The following VAC14 variants were observed in gnomAD, a reference collection of about 807,000 sequenced individuals.
VAC14 encodes the protein protein VAC14 homolog.
VAC14 carries 47 observed loss-of-function variants against 85.3 expected under a neutral mutation model. That is an observed-to-expected ratio of 0.55 (90% CI 0.44 to 0.70). VAC14 has a LOEUF of 0.70. Among genes scored for constraint, VAC14 ranks in the 30% least tolerant of loss-of-function variants. The pLI, the probability that VAC14 is intolerant of heterozygous loss-of-function variation, is 0.00. For missense variants in VAC14, 861 were observed against 1,004.3 expected, an observed-to-expected ratio of 0.86 and a Z score of 1.93; for synonymous variants, 447 against 430.5, an observed-to-expected ratio of 1.04 and a Z score of -0.47.
In VAC14 at chr16:70,731,627, C is replaced by T; in HGVS notation, c.1529G>A (p.Gly510Asp). 5 of 1,613,654 alleles carry T rather than the reference C, an allele frequency of 3.1e-6. No homozygotes were observed. The highest frequency in any genetic ancestry group is 4.2e-6 in the Non-Finnish European group (5 of 1,179,864). The change falls in exon 14 of 19, where the codon GGT (glycine) becomes GAT (aspartate). Residue 510 changes from glycine (G) to aspartate (D), a missense_variant and splice_region_variant. Around this residue, in one of 3 missense-constraint regions of VAC14, gnomAD observed 629 missense variants for 703.1 expected, o/e 0.89. Coordinates refer to ENST00000261776, the MANE Select transcript of VAC14 (RefSeq NM_018052.5). ...PGRAGLLNTSGTKGLECSPST... is the reference protein window; with the variant it reads ...PGRAGLLNTSDTKGLECSPST... ...AGGAGAACATTCTAAGCCTTTGGTA[C>T]CTGTAGAGAAAGGGATAGAGCCAGC...
chr16:70,761,022 T>TGTGTGGGGG, intron 12 of VAC14: 1 of 190,068 alleles, frequency 5.3e-6, no homozygotes, highest in Non-Finnish European at 1.1e-5. Context: ...TGTGTGTGCA[T>TGTGTGGGGG]GGGGGGGCGG....
At chr16:70,779,432 A>G (rs1460139990) in intron 9 of VAC14, among the ~76,000 whole-genome samples, 3 of 152,072 alleles carry the variant, frequency 2.0e-5, no homozygotes, top group Non-Finnish European at 4.4e-5. Flanking sequence ...ATTAGCTGAA[A>G]CTGTCATTCA....
intron 14 of VAC14, among the ~76,000 whole-genome samples, chr16:70,723,090 T>C (rs556023676): frequency 5.9e-5 from 9 of 151,914 alleles, no homozygotes; most frequent in Non-Finnish European, 1.3e-4. Flanking sequence ...ACACAGGTGG[T>C]ACACGCCTGT....
chr16:70,689,929 C>T (rs1392891060), intron 18 of VAC14: 14 of 985,416 alleles, frequency 1.4e-5, no homozygotes, highest in Admixed American at 6.1e-5. Context: ...TGTGGCCAGA[C>T]GCTCCTCTAA....
At chr16:70,706,831 C>T (rs1183333637) in intron 14 of VAC14, among the ~76,000 whole-genome samples, 1 of 152,142 alleles carries the variant, frequency 6.6e-6, no homozygotes, top group Non-Finnish European at 1.5e-5. Context: ...TGGATGGTGC[C>T]CACATCCATC....
intron 18 of VAC14, chr16:70,690,919 G>C (rs2053584564): frequency 1.0e-6 from 1 of 985,288 alleles, no homozygotes; most frequent in African/African-American, 1.7e-5. Context: ...CACCCATTTA[G>C]TCCAAATGTG....
chr16:70,741,007 G>A (rs1477820023), intron 13 of VAC14, among the ~76,000 whole-genome samples: 2 of 152,268 alleles, frequency 1.3e-5, no homozygotes, highest in Admixed American at 6.5e-5. Flanking sequence ...GCACCATGTG[G>A]TTCCCTACAG....
chr16:70,751,592 TG>T (rs1025394963), intron 12 of VAC14, among the ~76,000 whole-genome samples: 2 of 152,240 alleles, frequency 1.3e-5, no homozygotes, highest in Admixed American at 6.5e-5. Context: ...GGGTGCAGCC[TG>T]GCTGGCCAAG....
rs1334141355 is a variant in VAC14 at position 70,795,050 on chromosome 16, G to A, written c.104+5747C>T. On this transcript the variant is annotated intron_variant, in intron 1 of 18. Coordinates refer to ENST00000261776, the MANE Select transcript of VAC14 (RefSeq NM_018052.5). ...CAGTCACATGCTGTGCAGGTTTGTA[G>A]ACTAGGGACAATAGGCTCTACCATA... 3.9e-5 allele frequency among the ~76,000 whole-genome samples: 6 copies of A among 152,220 alleles called. No homozygotes were observed. In the East Asian group the frequency reaches 1.2e-3, roughly 29 times the overall value.
chr16:70,698,801 G>A lies in VAC14; in HGVS notation c.1672C>T (p.Leu558Phe). 1.2e-6 allele frequency: 2 copies of A among 1,613,940 alleles called. No homozygotes were observed. Among genetic ancestry groups the A allele is most frequent in the Non-Finnish European group, 1.7e-6 (2 of 1,179,994 alleles). Residue 558 changes from leucine (L) to phenylalanine (F), a missense_variant, in exon 15 of 19, where the codon CTC (leucine) becomes TTC (phenylalanine). Leu to Phe is a conservative substitution (Grantham distance 22). This residue lies in a region of VAC14 where 69 missense variants were observed against 139.0 expected (regional missense o/e 0.50). Coordinates refer to ENST00000261776, the MANE Select transcript of VAC14 (RefSeq NM_018052.5). ...RGPFIIRQLC[L>F]LLNAENIFHS... Reference sequence around the variant, plus strand: ...AAGATGTTCTCCGCATTCAGCAGGAGGCACAGCTGCCTGGAGAGCAGGCAG... The same window carrying A: ...AAGATGTTCTCCGCATTCAGCAGGAAGCACAGCTGCCTGGAGAGCAGGCAG...
Position 70,698,633 on chromosome 16 carries a change from C to A in VAC14, c.1836+4G>T, listed in dbSNP as rs766406722. 1.9e-6 allele frequency: 3 copies of A among 1,614,084 alleles called. No homozygotes were observed. The highest frequency in any genetic ancestry group is 1.7e-6 in the Non-Finnish European group (2 of 1,179,942). ...CTGAGGATGGAGTCCCGGACGCAGC[C>A]TACCAGGGTCTTCAGGTCCTTCAGC... On this transcript the variant is annotated splice_donor_region_variant and intron_variant, in intron 15 of 18. Coordinates refer to ENST00000261776, the MANE Select transcript of VAC14 (RefSeq NM_018052.5).
chr16:70,757,415 A>G (rs1218437083), intron 12 of VAC14, among the ~76,000 whole-genome samples: 1 of 152,222 alleles, frequency 6.6e-6, no homozygotes, highest in Non-Finnish European at 1.5e-5. Context: ...AGTAGAGCTC[A>G]TGCTGAATGC....
chr16:70,766,170 A>T (rs2032797717), intron 10 of VAC14, among the ~76,000 whole-genome samples: 1 of 151,786 alleles, frequency 6.6e-6, no homozygotes, highest in Non-Finnish European at 1.5e-5. Context: ...AAAAAAAAAA[A>T]AAGAAAAACA....
chr16:70,703,808 G>T (rs570397658), intron 14 of VAC14, among the ~76,000 whole-genome samples: 2 of 152,160 alleles, frequency 1.3e-5, no homozygotes, highest in African/African-American at 4.8e-5. Context: ...CAGCAGAGGG[G>T]GCGGTCACTT....
intron 13 of VAC14, among the ~76,000 whole-genome samples, chr16:70,743,332 G>C (rs1012412847): frequency 6.6e-6 from 1 of 152,252 alleles, no homozygotes; most frequent in African/African-American, 2.4e-5. Context: ...AGCAGGACGT[G>C]AGCGGGACCA....
At chr16:70,715,123 C>T (rs2142997147) in intron 14 of VAC14, 1 of 152,404 alleles carries the variant, frequency 6.6e-6, no homozygotes, top group African/African-American at 2.4e-5. Flanking sequence ...CACCAGGGGC[C>T]TCCCAGCCAC....
intron 9 of VAC14, among the ~76,000 whole-genome samples, chr16:70,777,786 A>G (rs1046889873): frequency 6.6e-6 from 1 of 152,236 alleles, no homozygotes; most frequent in African/African-American, 2.4e-5. Flanking sequence ...TCGGCGGATC[A>G]GCACAAGTAA....
At chr16:70,740,548 C>G (rs376335222) in intron 13 of VAC14, among the ~76,000 whole-genome samples, 14 of 152,186 alleles carry the variant, frequency 9.2e-5, no homozygotes, top group African/African-American at 3.1e-4. Context: ...GCTCAGGGTA[C>G]GGCGGGCCCA....
chr16:70,769,756 C>T (rs2033079441), intron 10 of VAC14: 1 of 152,300 alleles, frequency 6.6e-6, no homozygotes, highest in Non-Finnish European at 1.5e-5. Context: ...ACAGTCTCCC[C>T]AGCGAGGCAG....
Sources: gnomAD v4.1 joint callset for allele counts (sites outside exome capture counted in the v4.1 genomes callset) on GRCh38, gnomAD v4.1.1 for gene constraint, gnomAD v4.1.1 regional missense constraint, MANE v1.5 for transcripts, NCBI Gene and HGNC (gene_info 2026-07-23, HGNC 2026-07-21) for gene names.